The following MTMR7 variants were observed in gnomAD, a reference collection of about 807,000 sequenced individuals.
MTMR7 encodes the protein phosphatidylinositol-3-phosphate phosphatase MTMR7.
MTMR7 carries 76 observed loss-of-function variants against 81.2 expected under a neutral mutation model. That is an observed-to-expected ratio of 0.94 (90% CI 0.78 to 1.13). The LOEUF is 1.13. Among genes scored for constraint, MTMR7 ranks in the 50% most tolerant of loss-of-function variants. The pLI, the probability that MTMR7 is intolerant of heterozygous loss-of-function variation, is 0.00. For synonymous variants in MTMR7, 372 were observed against 289.8 expected, an observed-to-expected ratio of 1.28 and a Z score of -2.88; for missense variants, 1,044 against 820.0, an observed-to-expected ratio of 1.27 and a Z score of -3.34.
At chr8:17,316,794 G>A (rs1313162885) in intron 7 of MTMR7, among the ~76,000 whole-genome samples, 1 of 152,114 alleles carries the variant, frequency 6.6e-6, no homozygotes, top group Non-Finnish European at 1.5e-5. Flanking sequence ...ATGTGCATAG[G>A]CTATATGCAA....
intron 12 of MTMR7, among the ~76,000 whole-genome samples, chr8:17,303,802 G>C (rs1224549528): frequency 2.0e-5 from 3 of 152,054 alleles, no homozygotes; most frequent in Non-Finnish European, 4.4e-5. Context: ...TAGAGACTGG[G>C]TCTCCCCATG....
intron 8 of MTMR7, among the ~76,000 whole-genome samples, chr8:17,312,968 C>T (rs567319460): frequency 6.6e-6 from 1 of 152,294 alleles, no homozygotes; most frequent in South Asian, 2.1e-4. Flanking sequence ...TGGATGTAAG[C>T]CCCAAGCCCC....
chr8:17,368,049 C>T (rs59666091), intron 3 of MTMR7, among the ~76,000 whole-genome samples: 3,132 of 152,056 alleles, frequency 0.021, 94 homozygotes, highest in East Asian at 0.071. Context: ...GTACCAGGGA[C>T]CAGCTTTGTG....
At chr8:17,360,008 A>G (rs1443864425) in intron 4 of MTMR7, among the ~76,000 whole-genome samples, 2 of 152,206 alleles carry the variant, frequency 1.3e-5, no homozygotes, top group African/African-American at 4.8e-5. Flanking sequence ...GTTCTCCATT[A>G]TTTAAAATAG....
intron 1 of MTMR7, among the ~76,000 whole-genome samples, chr8:17,384,998 G>A (rs1202885113): frequency 6.6e-6 from 1 of 152,158 alleles, no homozygotes; most frequent in Non-Finnish European, 1.5e-5. Context: ...CTGGTATAAT[G>A]AAGAAAAAAT....
In MTMR7 at chr8:17,361,194, C is replaced by G. The variant is rs370669270; in HGVS notation, c.391G>C (p.Asp131His). ...EEREQGWVLI[D>H]LSEEYTRMGL... is the part of the protein sequence containing the mutation. ...ATCCGCGTGTATTCTTCACTAAGAT[C>G]GATCAGCACCCAGCCTTGCTCTCTT... The change falls in exon 4 of 14, where the codon GAT (aspartate) becomes CAT (histidine). Residue 131 changes from aspartate to histidine, a missense_variant. By Grantham distance (81) the Asp-to-His change is moderately conservative. Transcript: ENST00000180173. 6.2e-7 allele frequency: 1 copy of G among 1,614,030 alleles called. No homozygotes were observed. Among genetic ancestry groups the G allele is most frequent in the African/African-American group, 1.3e-5 (1 of 74,910 alleles).
At chr8:17,345,351 G>A (rs184201078) in intron 5 of MTMR7, among the ~76,000 whole-genome samples, 6 of 152,296 alleles carry the variant, frequency 3.9e-5, no homozygotes, top group Non-Finnish European at 4.4e-5. Flanking sequence ...AATGATGCAC[G>A]CAAGCTAATC....
chr8:17,364,280 G>A (rs536430355), intron 3 of MTMR7, among the ~76,000 whole-genome samples: 26 of 151,848 alleles, frequency 1.7e-4, no homozygotes, highest in Admixed American at 1.7e-3. Context: ...TGATCTGCCC[G>A]CCTCGGCTTC....
chr8:17,315,904 T>G (rs904025328), intron 7 of MTMR7, among the ~76,000 whole-genome samples: 1 of 152,088 alleles, frequency 6.6e-6, no homozygotes, highest in African/African-American at 2.4e-5. Context: ...TCCCAGCTAC[T>G]TGGGAGGCTG....
At chr8:17,323,773 C>T (rs912047018) in intron 7 of MTMR7, among the ~76,000 whole-genome samples, 4 of 152,118 alleles carry the variant, frequency 2.6e-5, no homozygotes, top group Non-Finnish European at 4.4e-5. Context: ...CCACCTAGAG[C>T]CTTATGGAGA....
At chr8:17,372,411 C>T (rs1820446415) in intron 2 of MTMR7, among the ~76,000 whole-genome samples, 1 of 152,046 alleles carries the variant, frequency 6.6e-6, no homozygotes, top group Admixed American at 6.6e-5. Flanking sequence ...CATAGTGAAA[C>T]CCTGCCTCTA....
intron 3 of MTMR7, among the ~76,000 whole-genome samples, chr8:17,361,885 C>T (rs182258284): frequency 8.5e-5 from 13 of 152,300 alleles, no homozygotes; most frequent in Admixed American, 7.8e-4. Context: ...TACTGCACAG[C>T]GCTGTGCTCG....
chr8:17,376,633 A>C (rs992478513), intron 1 of MTMR7, among the ~76,000 whole-genome samples: 2 of 152,116 alleles, frequency 1.3e-5, no homozygotes, highest in Non-Finnish European at 2.9e-5. Context: ...TAGTCATCCT[A>C]ATATGCGATC....
At chr8:17,406,987 G>A (rs925158135) in intron 1 of MTMR7, among the ~76,000 whole-genome samples, 3 of 152,080 alleles carry the variant, frequency 2.0e-5, no homozygotes, top group Non-Finnish European at 4.4e-5. Flanking sequence ...ATGCCAATGG[G>A]TATAGTGTTT....
chr8:17,375,836 A>T (rs1247325531), intron 1 of MTMR7, among the ~76,000 whole-genome samples: 1 of 152,198 alleles, frequency 6.6e-6, no homozygotes, highest in Admixed American at 6.5e-5. Flanking sequence ...ACTTCAGAGT[A>T]ACTATAAATA....
chr8:17,395,247 C>T (rs1326105106), intron 1 of MTMR7, among the ~76,000 whole-genome samples: 1 of 152,146 alleles, frequency 6.6e-6, no homozygotes, highest in Non-Finnish European at 1.5e-5. Flanking sequence ...TGTATCAGAA[C>T]TTCATTCCTT....
chr8:17,402,948 G>T (rs1299568405), intron 1 of MTMR7, among the ~76,000 whole-genome samples: 1 of 152,184 alleles, frequency 6.6e-6, no homozygotes, highest in Admixed American at 6.5e-5. Flanking sequence ...TTTAACTGGG[G>T]TGATACAGTA....
At chr8:17,393,316 C>G (rs893996799) in intron 1 of MTMR7, among the ~76,000 whole-genome samples, 1 of 152,042 alleles carries the variant, frequency 6.6e-6, no homozygotes, top group African/African-American at 2.4e-5. Flanking sequence ...ATCTCTGTGA[C>G]CTTGGATTAG....
chr8:17,341,703 G>C (rs916974774), intron 5 of MTMR7, among the ~76,000 whole-genome samples: 4 of 152,186 alleles, frequency 2.6e-5, no homozygotes, highest in Admixed American at 6.5e-5. Flanking sequence ...CAAAGAACCT[G>C]TCTGTGCAAA....
Sources: allele counts gnomAD v4.1 joint callset (sites outside exome capture counted in the v4.1 genomes callset), GRCh38; gene constraint gnomAD v4.1.1; transcripts MANE v1.5; gene names NCBI Gene and HGNC (gene_info 2026-07-23, HGNC 2026-07-21).